The following NTN1 variants were observed in gnomAD, a reference collection of about 807,000 sequenced individuals.
NTN1 encodes the protein netrin-1.
In NTN1, 11 loss-of-function variants were observed where a neutral mutation model predicts 54.2. That is an observed-to-expected ratio of 0.20 (90% CI 0.13 to 0.34). The LOEUF is 0.34. Ranked by LOEUF, NTN1 falls within the 10% of genes least tolerant of loss-of-function variation. The probability of loss-of-function intolerance (pLI) is 1.00; values close to 1 mark genes in which losing one functional copy is unlikely to be tolerated. For synonymous variants in NTN1, 371 were observed against 382.0 expected, an observed-to-expected ratio of 0.97 and a Z score of 0.33; for missense variants, 740 against 893.1, an observed-to-expected ratio of 0.83 and a Z score of 2.18.
chr17:9,140,152 CACTCCT>C (rs140417941), intron 2 of NTN1, among the ~76,000 whole-genome samples: 4,320 of 152,236 alleles, frequency 0.028, 220 homozygotes, highest in African/African-American at 0.099. Flanking sequence ...AGCATACATA[CACTCCT>C]TGTTAGATTG....
chr17:9,058,879 A>G (rs916205064), intron 2 of NTN1, among the ~76,000 whole-genome samples: 5 of 152,048 alleles, frequency 3.3e-5, no homozygotes, highest in Non-Finnish European at 7.4e-5. Flanking sequence ...AGAGTGGTTT[A>G]AGAGCCCACA....
At chr17:9,072,981 G>T (rs1043971745) in intron 2 of NTN1, among the ~76,000 whole-genome samples, 1 of 152,204 alleles carries the variant, frequency 6.6e-6, no homozygotes, top group African/African-American at 2.4e-5. Context: ...TCTGGTTAAT[G>T]TTGAAGATCA....
intron 2 of NTN1, among the ~76,000 whole-genome samples, chr17:9,038,430 G>C (rs935123452): frequency 2.0e-5 from 3 of 152,020 alleles, no homozygotes; most frequent in Admixed American, 1.3e-4. Flanking sequence ...GGAATGTTAA[G>C]GTACATAAGG....
At chr17:9,018,614 A>C, upstream of NTN1, among the ~76,000 whole-genome samples, 1 of 128,620 alleles carries the variant, frequency 7.8e-6, no homozygotes, top group Non-Finnish European at 1.6e-5. Context: ...ATAGGGCAAG[A>C]CTCCATCTTA....
chr17:9,116,579 T>C (rs2092213516), intron 2 of NTN1, among the ~76,000 whole-genome samples: 1 of 152,136 alleles, frequency 6.6e-6, no homozygotes, highest in Non-Finnish European at 1.5e-5. Flanking sequence ...TTTCTGTAGA[T>C]AGTGGGGCTG....
At chr17:9,223,626 T>C (rs1905438982) in intron 6 of NTN1, among the ~76,000 whole-genome samples, 1 of 152,140 alleles carries the variant, frequency 6.6e-6, no homozygotes, top group Non-Finnish European at 1.5e-5. Flanking sequence ...GCCCTGGGTC[T>C]TCAGTGTCCC....
At chr17:9,047,969 T>A (rs1026381643) in intron 2 of NTN1, among the ~76,000 whole-genome samples, 3 of 152,220 alleles carry the variant, frequency 2.0e-5, no homozygotes, top group African/African-American at 7.2e-5. Context: ...GTGCTGGGAT[T>A]ACAGGCATCA....
intron 2 of NTN1, among the ~76,000 whole-genome samples, chr17:9,123,745 TG>T (rs1395851087): frequency 6.6e-6 from 1 of 152,182 alleles, no homozygotes; most frequent in Non-Finnish European, 1.5e-5. Context: ...CCCCCCATTT[TG>T]GGGGTTCTCA....
chr17:9,156,278 G>A (rs2092342045), intron 2 of NTN1, among the ~76,000 whole-genome samples: 1 of 150,102 alleles, frequency 6.7e-6, no homozygotes, highest in African/African-American at 2.5e-5. Flanking sequence ...TTATGCTACA[G>A]AGATAACATG....
intron 2 of NTN1, among the ~76,000 whole-genome samples, chr17:9,106,734 C>T (rs1471489143): frequency 2.0e-5 from 3 of 152,048 alleles, no homozygotes; most frequent in African/African-American, 4.8e-5. Flanking sequence ...AGGCTGGTCT[C>T]GAACTCCTGA....
chr17:9,193,934 A>AAAAAAAAAAAC lies in NTN1; in HGVS notation c.1411+10967_1411+10977dup, dbSNP rs1567734916. On this transcript the variant is annotated intron_variant, in intron 5 of 6. Coordinates refer to ENST00000173229, the MANE Select transcript of NTN1 (RefSeq NM_004822.3). ...GAAACTCCGACTAAAAAAAAAAAAA[A>AAAAAAAAAAAC]AAAAAAAAAACATTATGCAGGTTGG... is the stretch of plus-strand genomic sequence containing the variant. 2.8e-5 allele frequency among the ~76,000 whole-genome samples: 4 copies of AAAAAAAAAAAC among 141,786 alleles called. No individual in the cohort carries two copies. The South Asian group carries it at 7.2e-4, about 25-fold the overall frequency. The allele number at this position is 141,786 out of a possible 152,430, so 93.0% of individuals were successfully genotyped here.
Position 9,239,845 on chromosome 17 carries a change from T to G in NTN1, c.1692T>G (p.Ser564=), listed in dbSNP as rs759577982. The G allele has an allele frequency of 1.5e-5, 24 of 1,612,974 alleles. No individual in the cohort carries two copies. The highest frequency in any genetic ancestry group is 1.9e-5 in the Non-Finnish European group (22 of 1,179,912). Residue 564 remains serine (S), a synonymous_variant, in exon 7 of 7, where the codon TCT becomes TCG. Coordinates refer to ENST00000173229, the MANE Select transcript of NTN1 (RefSeq NM_004822.3). The surrounding 1 kb of genome is among the most constrained non-coding windows in gnomAD (Gnocchi z 5.2). ...TGCTGCTGGGCAACGCGGAGGACTC[T>G]CCGGACCAGAGCGGCATCGTGGCCG... The part of the protein sequence containing the change: ...KYLLLGNAED[S]PDQSGIVADK...
At chr17:9,092,736 C>T (rs989879348) in intron 2 of NTN1, among the ~76,000 whole-genome samples, 23 of 149,878 alleles carry the variant, frequency 1.5e-4, no homozygotes, top group African/African-American at 4.4e-4. Flanking sequence ...GGATTACAGG[C>T]GCACACCACT....
Position 9,242,696 on chromosome 17 carries a change from C to T in NTN1, c.*2728C>T, listed in dbSNP as rs1237856069. ...GGGAATGCGTCAGGGTGACCAGATCCACCATGCTAGCAGCCAGGTCACTGT... is the reference window on the plus strand; with the variant it reads ...GGGAATGCGTCAGGGTGACCAGATCTACCATGCTAGCAGCCAGGTCACTGT... On this transcript the variant is annotated 3_prime_UTR_variant, in exon 7 of 7. Transcript: ENST00000173229. 6 of 152,356 alleles carry T rather than the reference C, an allele frequency of 3.9e-5. No homozygotes were observed. The highest frequency in any genetic ancestry group is 7.2e-5 in the African/African-American group (3 of 41,476). 9.4% of individuals were successfully genotyped at this position (152,356 alleles called of 1,614,324 possible). A position where few individuals can be genotyped will look rare whatever the true frequency, so the allele number is the denominator to read the frequency against.
chr17:9,230,455 C>CCCCCT (rs1555579402), intron 6 of NTN1, among the ~76,000 whole-genome samples: 3 of 150,644 alleles, frequency 2.0e-5, no homozygotes, highest in African/African-American at 7.4e-5. Context: ...GTGACCCCCC[C>CCCCCT]CCCGAGTGCC....
intron 5 of NTN1, among the ~76,000 whole-genome samples, chr17:9,217,041 G>A (rs1214456507): frequency 4.2e-5 from 6 of 142,814 alleles, no homozygotes; most frequent in Admixed American, 6.9e-5. Flanking sequence ...GCATGACTCC[G>A]TCTCAAAAAA....
At chr17:9,210,128 C>T (rs542249833) in intron 5 of NTN1, among the ~76,000 whole-genome samples, 1 of 152,248 alleles carries the variant, frequency 6.6e-6, no homozygotes, top group African/African-American at 2.4e-5. Context: ...TGCCCCTGTC[C>T]TTCCGTCCGT....
chr17:9,130,697 G>A (rs949903517), intron 2 of NTN1, among the ~76,000 whole-genome samples: 4 of 152,072 alleles, frequency 2.6e-5, no homozygotes, highest in Non-Finnish European at 2.9e-5. Flanking sequence ...TCTTCCTCAC[G>A]TGCTGGTGTT....
the NTN1 span, among the ~76,000 whole-genome samples, chr17:9,015,716 G>A: frequency 2.0e-5 from 3 of 151,984 alleles, no homozygotes; most frequent in Admixed American, 6.6e-5. Context: ...GGAGTGGGGC[G>A]CTGTTGTCCT....
Sources: gnomAD v4.1 joint callset for allele counts (sites outside exome capture counted in the v4.1 genomes callset) on GRCh38, gnomAD v4.1.1 for gene constraint, Gnocchi (gnomAD v3.1) non-coding constraint, MANE v1.5 for transcripts, NCBI Gene and HGNC (gene_info 2026-07-23, HGNC 2026-07-21) for gene names.